The following PRR5L variants were observed in gnomAD, a reference collection of about 807,000 sequenced individuals.
PRR5L encodes proline rich 5 like.
A neutral mutation model predicts 36.4 loss-of-function variants in PRR5L; 21 were observed. The ratio of observed to expected loss-of-function variants is 0.58; its 90% CI spans 0.41 to 0.83. PRR5L has a LOEUF of 0.83. PRR5L is among the 40% of genes least tolerant of loss of function. The probability of loss-of-function intolerance (pLI) is 0.00; values close to 1 mark genes in which losing one functional copy is unlikely to be tolerated. For missense variants in PRR5L, 381 were observed against 473.3 expected (o/e 0.80, Z 1.81); for synonymous variants, 188 against 197.0 (o/e 0.95, Z 0.38).
intron 8 of PRR5L, among the ~76,000 whole-genome samples, chr11:36,456,014 G>A (rs1252258968): frequency 2.0e-5 from 3 of 152,324 alleles, no homozygotes; most frequent in Middle Eastern, 3.4e-3. Context: ...CATCAGCAGG[G>A]GGAGAGAGGC....
intron 4 of PRR5L, among the ~76,000 whole-genome samples, chr11:36,429,519 T>G (rs1388016425): frequency 6.6e-6 from 1 of 151,174 alleles, no homozygotes; most frequent in Non-Finnish European, 1.5e-5. Context: ...CCTCCCCCCA[T>G]GTAGATAATT....
Position 36,420,648 on chromosome 11 carries a change from G to A in PRR5L, c.294+1345G>A, listed in dbSNP as rs78203991. On this transcript the variant is annotated intron_variant, in intron 4 of 8. Coordinates refer to ENST00000530639, the MANE Select transcript of PRR5L (RefSeq NM_001160167.2). ...TTTTAATGGGAAAGTAGCATGAAAT[G>A]CCTAACATCTTGGTTTCAAGTTAGC... is the stretch of plus-strand genomic sequence containing the variant. 6.6e-5 allele frequency among the ~76,000 whole-genome samples: 10 copies of A among 152,304 alleles called. No individual in the cohort carries two copies. The East Asian group carries it at 1.9e-3, about 29-fold the overall frequency.
chr11:36,319,218 G>A (rs1856589161), intron 1 of PRR5L, among the ~76,000 whole-genome samples: 2 of 152,214 alleles, frequency 1.3e-5, no homozygotes, highest in South Asian at 4.1e-4. Context: ...GGACCAGTGA[G>A]GGCCTGGCCC....
Position 36,438,173 on chromosome 11 carries a change from C to T in PRR5L, c.444+697C>T, listed in dbSNP as rs769333871. Among the ~76,000 whole-genome samples the T allele has an allele frequency of 1.2e-4, 18 of 152,330 alleles. No homozygotes were observed. In the East Asian group the frequency reaches 1.9e-3, roughly 16 times the overall value. ...CCTTGTCTCTGTAGAGCTAATACCA[C>T]GATGGTCACTGCCAGGTTGAAGCCA... On this transcript the variant is annotated intron_variant, in intron 6 of 8. Transcript: ENST00000530639.
chr11:36,352,221 A>G (rs891333355), intron 1 of PRR5L, among the ~76,000 whole-genome samples: 1 of 152,064 alleles, frequency 6.6e-6, no homozygotes, highest in South Asian at 2.1e-4. Flanking sequence ...GGCCATTTGT[A>G]TATCTTCTTT....
intron 8 of PRR5L, among the ~76,000 whole-genome samples, chr11:36,453,324 T>C (rs1247386042): frequency 1.3e-5 from 2 of 152,220 alleles, no homozygotes; most frequent in South Asian, 2.1e-4. Flanking sequence ...TGTGGTGGCA[T>C]ATTTTGGTGT....
At chr11:36,429,411 A>G (rs923503184) in intron 4 of PRR5L, among the ~76,000 whole-genome samples, 10 of 152,240 alleles carry the variant, frequency 6.6e-5, no homozygotes, top group Non-Finnish European at 1.5e-4. Context: ...CTAAGGACCT[A>G]AAATTCTAAC....
intron 1 of PRR5L, among the ~76,000 whole-genome samples, chr11:36,368,924 A>C (rs138749118): frequency 6.6e-6 from 1 of 152,206 alleles, no homozygotes; most frequent in Non-Finnish European, 1.5e-5. Flanking sequence ...AGGGTCCCCA[A>C]TCACTTTAAA....
At chr11:36,430,205 T>C (rs1858464015) in intron 4 of PRR5L, among the ~76,000 whole-genome samples, 1 of 152,112 alleles carries the variant, frequency 6.6e-6, no homozygotes, top group African/African-American at 2.4e-5. Context: ...AGGTCAAAAG[T>C]TCGAGACCAG....
intron 3 of PRR5L, among the ~76,000 whole-genome samples, chr11:36,418,731 G>A (rs1022309201): frequency 3.3e-5 from 5 of 152,070 alleles, no homozygotes; most frequent in Non-Finnish European, 4.4e-5. Flanking sequence ...AGGAGGCGGA[G>A]CTTGCAGTGA....
chr11:36,313,196 T>C (rs1054628986), intron 1 of PRR5L, among the ~76,000 whole-genome samples: 2 of 152,248 alleles, frequency 1.3e-5, no homozygotes, highest in African/African-American at 2.4e-5. Flanking sequence ...AAATTGTTAG[T>C]TCTCAGTCTT....
At chr11:36,340,128 G>GC (rs1376437451) in intron 1 of PRR5L, among the ~76,000 whole-genome samples, 4 of 152,186 alleles carry the variant, frequency 2.6e-5, no homozygotes, top group Non-Finnish European at 4.4e-5. Flanking sequence ...GCAGTCTGGA[G>GC]CCCCCCTGCT....
chr11:36,404,304 C>T (rs1431370973), intron 3 of PRR5L, among the ~76,000 whole-genome samples: 2 of 140,298 alleles, frequency 1.4e-5, no homozygotes, highest in Non-Finnish European at 3.0e-5. Context: ...CGGAGTCTTG[C>T]TCTGTTACCC....
At chr11:36,444,360 A>G (rs931429133) in intron 6 of PRR5L, among the ~76,000 whole-genome samples, 5 of 152,256 alleles carry the variant, frequency 3.3e-5, no homozygotes, top group Non-Finnish European at 7.3e-5. Context: ...AATTCAGAAT[A>G]TAAATAAAAA....
At chr11:36,432,317 G>A (rs912854424) in intron 5 of PRR5L, among the ~76,000 whole-genome samples, 5 of 152,132 alleles carry the variant, frequency 3.3e-5, no homozygotes, top group African/African-American at 1.2e-4. Flanking sequence ...TTTCTGGGGA[G>A]TCATAGAAGA....
chr11:36,385,873 C>T (rs377085387), intron 1 of PRR5L, among the ~76,000 whole-genome samples: 17 of 152,246 alleles, frequency 1.1e-4, no homozygotes, highest in Non-Finnish European at 2.4e-4. Context: ...TCCAGGTCTA[C>T]GTCCCCGTGG....
At chr11:36,324,031 T>C (rs1402528390) in intron 1 of PRR5L, among the ~76,000 whole-genome samples, 1 of 152,212 alleles carries the variant, frequency 6.6e-6, no homozygotes, top group African/African-American at 2.4e-5. Flanking sequence ...TAATTAACCA[T>C]TTATTTCACT....
At chr11:36,402,512 G>C in intron 2 of PRR5L, among the ~76,000 whole-genome samples, 1 of 152,132 alleles carries the variant, frequency 6.6e-6, no homozygotes, top group East Asian at 1.9e-4. Context: ...CAAAGTGCTG[G>C]GATTACAGGC....
intron 1 of PRR5L, among the ~76,000 whole-genome samples, chr11:36,381,880 C>T (rs763386859): frequency 1.3e-4 from 19 of 151,864 alleles, no homozygotes; most frequent in Non-Finnish European, 1.8e-4. Flanking sequence ...CCCCACCAGC[C>T]GGGCGCGGTG....
Sources: gnomAD v4.1 joint callset for allele counts (sites outside exome capture counted in the v4.1 genomes callset) on GRCh38, gnomAD v4.1.1 for gene constraint, MANE v1.5 for transcripts, NCBI Gene and HGNC (gene_info 2026-07-23, HGNC 2026-07-21) for gene names.